UBE2F: variants seen among roughly 807,000 people sequenced by gnomAD.
UBE2F encodes the protein NEDD8-conjugating enzyme UBE2F.
In UBE2F, 5 loss-of-function variants were observed where a neutral mutation model predicts 29.6. That is an observed-to-expected ratio of 0.17 (90% confidence interval 0.09 to 0.36). UBE2F has a LOEUF of 0.36. Among genes scored for constraint, UBE2F ranks in the 10% least tolerant of loss-of-function variants. The pLI, the probability that UBE2F is intolerant of heterozygous loss-of-function variation, is 1.00. For missense variants in UBE2F, 141 were observed against 228.5 expected (o/e 0.62, Z 2.47); for synonymous variants, 66 against 81.8 (o/e 0.81, Z 1.04).
At chr2:237,989,838 G>T (rs1396159510) in intron 3 of UBE2F, among the ~76,000 whole-genome samples, 1 of 151,952 alleles carries the variant, frequency 6.6e-6, no homozygotes, top group African/African-American at 2.4e-5. Flanking sequence ...TATCTTTCTG[G>T]CTGGGTGCAG....
At chr2:237,968,813 G>C in intron 1 of UBE2F, 1 of 983,706 alleles carries the variant, frequency 1.0e-6, no homozygotes. Flanking sequence ...TGCTGCCTTA[G>C]AGCGTAATTT....
rs2063070534 is a variant in UBE2F at position 237,967,124 on chromosome 2, G to A, written c.-25G>A. ...GCCGGGCCCGCCTCGCCTGTCTCGG[G>A]GAGCCCAGGTGAGGAGCGACCGTGC... is the stretch of plus-strand genomic sequence containing the variant. On this transcript the variant is annotated 5_prime_UTR_variant, in exon 1 of 10. Coordinates refer to ENST00000272930, the MANE Select transcript of UBE2F (RefSeq NM_080678.3). The surrounding 1 kb of genome is among the most constrained non-coding windows in gnomAD (Gnocchi z 6.3). 4 of 1,333,662 alleles carry A rather than the reference G, an allele frequency of 3.0e-6. No homozygotes were observed. In the South Asian group the frequency reaches 5.3e-5, roughly 18 times the overall value. The allele number at this position is 1,333,662 out of a possible 1,614,324, so 82.6% of individuals were successfully genotyped here.
At chr2:238,025,549 G>T in intron 6 of UBE2F, 137 bp downstream of exon 6, 1 of 772,550 alleles carries the variant, frequency 1.3e-6, no homozygotes, top group Non-Finnish European at 2.2e-6. Flanking sequence ...AGCTGAAGTA[G>T]CTGCGGTTGC....
rs558051871 is a variant in UBE2F at position 238,014,044 on chromosome 2, C to A, written c.215-2522C>A. Among the ~76,000 whole-genome samples, 19 of 152,288 alleles carry A rather than the reference C, an allele frequency of 1.2e-4. No individual in the cohort carries two copies. In the South Asian group the frequency reaches 3.9e-3, roughly 32 times the overall value. On this transcript the variant is annotated intron_variant, in intron 4 of 9. Coordinates refer to ENST00000272930, the MANE Select transcript of UBE2F (RefSeq NM_080678.3). Reference sequence around the variant, plus strand: ...CCTGCCGGCTGTGGAAGTGAGCAGGCCTTCCTTGAACCGTCTCCGCCTTGG... The same window carrying A: ...CCTGCCGGCTGTGGAAGTGAGCAGGACTTCCTTGAACCGTCTCCGCCTTGG...
chr2:237,972,541 ATTTTTTT>A (rs57914670), intron 1 of UBE2F, among the ~76,000 whole-genome samples: 19 of 124,250 alleles, frequency 1.5e-4, no homozygotes, highest in Middle Eastern at 4.3e-3. Flanking sequence ...TTAATTTTAA[ATTTTTTT>A]TTTTTTTTTT....
In UBE2F at chr2:237,973,238, C is replaced by A; in HGVS notation, c.118+13C>A. 1 of 1,611,204 alleles carries A rather than the reference C, an allele frequency of 6.2e-7. No individual in the cohort carries two copies. Among genetic ancestry groups the A allele is most frequent in the South Asian group, 1.1e-5 (1 of 90,986 alleles). On this transcript the variant is annotated intron_variant, in intron 2 of 9. Coordinates refer to ENST00000272930, the MANE Select transcript of UBE2F (RefSeq NM_080678.3). ...TTGCTTGTTAAAGGTAATGATCATT[C>A]GTGTGAACTGTTTTTATATCCTATA...
intron 3 of UBE2F, among the ~76,000 whole-genome samples, chr2:237,989,721 T>C (rs2063544867): frequency 1.3e-5 from 2 of 152,224 alleles, no homozygotes. Context: ...ATATGTTTCT[T>C]ACTGTGGATC....
chr2:238,023,207 G>A (rs13393432), intron 5 of UBE2F, among the ~76,000 whole-genome samples: 6,766 of 152,304 alleles, frequency 0.044, 521 homozygotes, highest in African/African-American at 0.15. Context: ...GGGGCACAGA[G>A]CCCTGCCCCT....
intron 4 of UBE2F, 50 bp downstream of exon 4, chr2:237,994,859 A>T: frequency 6.8e-7 from 1 of 1,467,682 alleles, no homozygotes; most frequent in Non-Finnish European, 9.6e-7. Context: ...CGAATTATAA[A>T]GGCTGCCCAA....
At position 238,035,952 on chromosome 2, in the gene UBE2F, A is replaced by G. The variant is rs2064698414; in HGVS notation, c.507+12A>G. ...ATTTGCGGGACAAGGTGAGCCAGTA[A>G]CAGGCTTATTCTAGGTTGATGTACT... is the stretch of plus-strand genomic sequence containing the variant. On this transcript the variant is annotated intron_variant, in intron 9 of 9. Coordinates refer to ENST00000272930, the MANE Select transcript of UBE2F (RefSeq NM_080678.3). The G allele has an allele frequency of 6.2e-7, 1 of 1,611,900 alleles. No individual in the cohort carries two copies. Among genetic ancestry groups the G allele is most frequent in the Non-Finnish European group, 8.5e-7 (1 of 1,178,300 alleles).
At chr2:238,027,715 G>A (rs564566510) in intron 6 of UBE2F, among the ~76,000 whole-genome samples, 3 of 152,352 alleles carry the variant, frequency 2.0e-5, no homozygotes, top group Non-Finnish European at 4.4e-5. Flanking sequence ...TCCAGTGGCA[G>A]CTTTATGGTG....
intron 3 of UBE2F, among the ~76,000 whole-genome samples, chr2:237,991,609 C>CTTTTTTTTTTTTTTTT (rs774476848): frequency 2.6e-4 from 14 of 53,028 alleles, no homozygotes; most frequent in African/African-American, 5.6e-4. Flanking sequence ...TTCTTTCTTT[C>CTTTTTTTTTTTTTTTT]TTTTTTTTTT....
At chr2:238,017,604 C>T (rs1481723955) in intron 5 of UBE2F, among the ~76,000 whole-genome samples, 3 of 152,142 alleles carry the variant, frequency 2.0e-5, no homozygotes, top group Admixed American at 6.5e-5. Context: ...GGTGTGGCTG[C>T]GCTTCAGGGA....
intron 4 of UBE2F, among the ~76,000 whole-genome samples, chr2:238,012,203 G>A (rs2106377656): frequency 6.6e-6 from 1 of 152,194 alleles, no homozygotes. Context: ...GTATTTTCAT[G>A]ATTTTTCCAC....
At chr2:237,974,474 G>A (rs76360425) in intron 2 of UBE2F, among the ~76,000 whole-genome samples, 10,502 of 149,254 alleles carry the variant, frequency 0.07, 395 homozygotes, top group African/African-American at 0.11. Flanking sequence ...ACAGGCATGA[G>A]CCACTACACC....
At chr2:238,034,462 C>T (rs2064659045) in intron 8 of UBE2F, among the ~76,000 whole-genome samples, 1 of 152,016 alleles carries the variant, frequency 6.6e-6, no homozygotes, top group Non-Finnish European at 1.5e-5. Context: ...AAATCTGCTA[C>T]AGCCACACTA....
intron 5 of UBE2F, among the ~76,000 whole-genome samples, chr2:238,017,716 C>G (rs373021074): frequency 3.3e-4 from 50 of 152,294 alleles, no homozygotes; most frequent in African/African-American, 1.2e-3. Context: ...TTCCTACTCA[C>G]GTGTTCTAAC....
chr2:237,979,774 A>G (rs187391801), intron 2 of UBE2F, among the ~76,000 whole-genome samples: 53 of 152,346 alleles, frequency 3.5e-4, no homozygotes, highest in Non-Finnish European at 7.2e-4. Flanking sequence ...TGAGGGCTCA[A>G]GTTGACATCA....
intron 9 of UBE2F, among the ~76,000 whole-genome samples, chr2:238,036,147 G>A (rs1037505529): frequency 6.6e-6 from 1 of 151,946 alleles, no homozygotes; most frequent in African/African-American, 2.4e-5. Context: ...GAGAATTGGT[G>A]TGTGTTTGTT....
Sources: gnomAD v4.1 joint callset for allele counts (sites outside exome capture counted in the v4.1 genomes callset) on GRCh38, gnomAD v4.1.1 for gene constraint, Gnocchi (gnomAD v3.1) non-coding constraint, MANE v1.5 for transcripts, NCBI Gene and HGNC (gene_info 2026-07-23, HGNC 2026-07-21) for gene names.